The following RNF216 variants were observed in gnomAD, a reference collection of about 807,000 sequenced individuals.
RNF216 encodes ring finger protein 216.
In RNF216, 72 loss-of-function variants were observed where a neutral mutation model predicts 110.8. The ratio of observed to expected loss-of-function variants is 0.65; its 90% CI spans 0.54 to 0.79. RNF216 has a LOEUF of 0.79. Ranked by LOEUF, RNF216 falls within the 30% of genes least tolerant of loss-of-function variation. The probability of loss-of-function intolerance (pLI) is 0.00; values close to 1 mark genes in which losing one functional copy is unlikely to be tolerated. For missense variants in RNF216, 1,342 were observed against 1,141.2 expected (o/e 1.18, Z -2.54); for synonymous variants, 495 against 407.5 (o/e 1.21, Z -2.59).
chr7:5,714,930 A>G, intron 11 of RNF216, 123 bp downstream of exon 11: 1 of 824,264 alleles, frequency 1.2e-6, no homozygotes, highest in Non-Finnish European at 1.9e-6. Context: ...TAATGTACAC[A>G]TAAGCATACC....
At chr7:5,727,137 G>A (rs1217433329) in intron 7 of RNF216, among the ~76,000 whole-genome samples, 1 of 152,188 alleles carries the variant, frequency 6.6e-6, no homozygotes, top group East Asian at 1.9e-4. Context: ...TGGCTATGAT[G>A]CAGTGTTTGC....
chr7:5,667,650 C>T (rs1453270574), intron 13 of RNF216, among the ~76,000 whole-genome samples: 2 of 152,228 alleles, frequency 1.3e-5, no homozygotes, highest in African/African-American at 4.8e-5. Context: ...ACTGCTTGGG[C>T]TACCTCTGGG....
intron 1 of RNF216, among the ~76,000 whole-genome samples, chr7:5,767,876 G>A (rs1490855998): frequency 2.0e-5 from 3 of 152,146 alleles, no homozygotes; most frequent in African/African-American, 7.2e-5. Context: ...TGGGATTACA[G>A]GCATGAGCCA....
intron 10 of RNF216, among the ~76,000 whole-genome samples, chr7:5,716,033 A>T (rs1424642282): frequency 1.3e-5 from 2 of 152,010 alleles, no homozygotes; most frequent in Non-Finnish European, 2.9e-5. Flanking sequence ...GAGCCACTGC[A>T]TCCAGCCCCA....
At chr7:5,658,919 G>A (rs1321420025) in intron 13 of RNF216, among the ~76,000 whole-genome samples, 1 of 152,140 alleles carries the variant, frequency 6.6e-6, no homozygotes, top group African/African-American at 2.4e-5. Flanking sequence ...GGCCTGGAGA[G>A]TGCAGCAATG....
intron 8 of RNF216, among the ~76,000 whole-genome samples, chr7:5,722,640 T>G (rs1432808339): frequency 6.6e-6 from 1 of 152,022 alleles, no homozygotes; most frequent in Non-Finnish European, 1.5e-5. Context: ...TCCGCCTGCC[T>G]CGGCCTCCCA....
chr7:5,658,693 A>G (rs1046227108), intron 13 of RNF216, among the ~76,000 whole-genome samples: 1 of 151,844 alleles, frequency 6.6e-6, no homozygotes, highest in Non-Finnish European at 1.5e-5. Flanking sequence ...AACTGACTTG[A>G]ATAAAGCAGT....
chr7:5,659,157 G>A (rs1264228470), intron 13 of RNF216, among the ~76,000 whole-genome samples: 4 of 152,106 alleles, frequency 2.6e-5, no homozygotes, highest in Non-Finnish European at 5.9e-5. Flanking sequence ...AGGCAGAGGC[G>A]AGTTTAGTTC....
At chr7:5,753,007 T>C (rs1204919479) in intron 2 of RNF216, 28 bp from the exon 3 acceptor site, 2 of 1,593,688 alleles carry the variant, frequency 1.3e-6, no homozygotes, top group Non-Finnish European at 1.7e-6. Context: ...ACACTGTTAC[T>C]GGGAGGTTGG....
chr7:5,673,939 C>A (rs915085607), intron 13 of RNF216, among the ~76,000 whole-genome samples: 6 of 149,782 alleles, frequency 4.0e-5, no homozygotes, highest in Non-Finnish European at 7.4e-5. Flanking sequence ...CTGCTCACTG[C>A]AACATCTGCC....
chr7:5,757,838 C>T (rs1483504904), intron 2 of RNF216, among the ~76,000 whole-genome samples: 1 of 152,066 alleles, frequency 6.6e-6, no homozygotes, highest in Admixed American at 6.6e-5. Context: ...AACAAAACTA[C>T]AGAGGTTGAT....
intron 5 of RNF216, among the ~76,000 whole-genome samples, chr7:5,738,933 G>T (rs1019364395): frequency 1.3e-5 from 2 of 151,996 alleles, no homozygotes; most frequent in Non-Finnish European, 2.9e-5. Flanking sequence ...GAACGAACAA[G>T]GTCATTAAAA....
chr7:5,674,848 T>C (rs1013453395), intron 13 of RNF216, among the ~76,000 whole-genome samples: 2 of 150,698 alleles, frequency 1.3e-5, no homozygotes, highest in Non-Finnish European at 3.0e-5. Flanking sequence ...AATACAAAAA[T>C]TAGCTGGGCA....
chr7:5,755,189 GAAGGAAGGAAGGGAGGGAAGGAAGA>G (rs59475900), intron 2 of RNF216, among the ~76,000 whole-genome samples: 3,511 of 141,248 alleles, frequency 0.025, 68 homozygotes, highest in East Asian at 0.041. Context: ...AAGGAAGAAG[GAAGGAAGGAAGGGAGGGAAGGAAGA>G]AAGGAAGGAA....
chr7:5,755,239 AAAGGAAGGAAGGAAGG>A (rs58341461), intron 2 of RNF216, among the ~76,000 whole-genome samples: 1 of 145,726 alleles, frequency 6.9e-6, no homozygotes, highest in East Asian at 2.0e-4. Context: ...GGGAAGGATG[AAAGGAAGGAAGGAAGG>A]AAGGAAGGAA....
At chr7:5,639,078 C>T (rs964942402) in intron 15 of RNF216, among the ~76,000 whole-genome samples, 2 of 152,248 alleles carry the variant, frequency 1.3e-5, no homozygotes, top group Non-Finnish European at 2.9e-5. Flanking sequence ...TTCTTCCCGT[C>T]TCACTTGCAG....
chr7:5,696,806 G>A lies in RNF216; in HGVS notation c.2061+14955C>T, dbSNP rs1023011406. On this transcript the variant is annotated intron_variant, in intron 13 of 16. Coordinates refer to ENST00000389902, the MANE Select transcript of RNF216 (RefSeq NM_207111.4). This position sits in a 1 kb window ranked among gnomAD's most constrained non-coding sequence, Gnocchi z 5.4. ...GGCTCTGGGAGGGCTGTAGGAGGAC[G>A]GCATGTCCCCAGGTTACTAGAAATG... Among the ~76,000 whole-genome samples, 4 of 152,144 alleles carry A rather than the reference G, an allele frequency of 2.6e-5. No individual in the cohort carries two copies. The highest frequency in any genetic ancestry group is 2.1e-4 in the South Asian group (1 of 4,826).
intron 15 of RNF216, among the ~76,000 whole-genome samples, chr7:5,639,207 C>T (rs913377769): frequency 6.6e-6 from 1 of 152,172 alleles, no homozygotes; most frequent in African/African-American, 2.4e-5. Context: ...AGCCTCACTG[C>T]AGCCCCTTTG....
At chr7:5,690,288 T>C (rs141307955) in intron 13 of RNF216, among the ~76,000 whole-genome samples, 97 of 150,676 alleles carry the variant, frequency 6.4e-4, no homozygotes, top group African/African-American at 2.1e-3. Context: ...GATCGCGCCA[T>C]TGCACTCTAG....
Sources: gnomAD v4.1 joint callset for allele counts (sites outside exome capture counted in the v4.1 genomes callset) on GRCh38, gnomAD v4.1.1 for gene constraint, Gnocchi (gnomAD v3.1) non-coding constraint, MANE v1.5 for transcripts, NCBI Gene and HGNC (gene_info 2026-07-23, HGNC 2026-07-21) for gene names.